NIT1: variants seen among roughly 807,000 people sequenced by gnomAD.
NIT1 encodes deaminated glutathione amidase.
A neutral mutation model predicts 36.8 loss-of-function variants in NIT1; 30 were observed. That is an observed-to-expected ratio of 0.82 (90% CI 0.61 to 1.11). NIT1 has a LOEUF of 1.11. Ranked by LOEUF, NIT1 falls within the 50% of genes least tolerant of loss-of-function variation. The pLI is 0.00. For synonymous variants in NIT1, 151 were observed against 155.6 expected (o/e 0.97, Z 0.22); for missense variants, 438 against 410.6 (o/e 1.07, Z -0.58).
chr1:161,120,686 G>A lies in NIT1; in HGVS notation c.905G>A (p.Arg302Gln), dbSNP rs758588525. 18 of 1,613,924 alleles carry A rather than the reference G, an allele frequency of 1.1e-5. No individual in the cohort carries two copies. The highest frequency in any genetic ancestry group is 5.5e-5 in the South Asian group (5 of 91,086). Residue 302 changes from arginine (R) to glutamine (Q), a missense_variant, in exon 7 of 7, where the codon CGA becomes CAA. Coordinates refer to ENST00000368009, the MANE Select transcript of NIT1 (RefSeq NM_005600.3). ...CLARIDLNYL[R>Q]QLRRHLPVFQ... ...GCCCGAATAGACCTCAACTATCTGCGACAGTTGCGCCGACACCTGCCTGTG... is the reference window on the plus strand; with the variant it reads ...GCCCGAATAGACCTCAACTATCTGCAACAGTTGCGCCGACACCTGCCTGTG...
At chr1:161,121,542 A>G (rs1446898751), downstream of NIT1, 1 of 154,240 alleles carries the variant, frequency 6.5e-6, no homozygotes, top group African/African-American at 2.4e-5. Flanking sequence ...CAAATGGGAA[A>G]AAGGAAGGAG....
rs915181126 is a variant in NIT1, at chr1:161,121,147, C to T, written c.*382C>T. ...GGACTAAGCTCCAGTTCTAGACCTC[C>T]TGGCTCATTCAACATGCCTCCCTAC... On this transcript the variant is annotated 3_prime_UTR_variant, in exon 7 of 7. Coordinates refer to ENST00000368009, the MANE Select transcript of NIT1 (RefSeq NM_005600.3). 9.4e-7 allele frequency: 1 copy of T among 1,067,210 alleles called. No homozygotes were observed. Among genetic ancestry groups the T allele is most frequent in the South Asian group, 2.9e-5 (1 of 34,464 alleles). 66.1% of individuals were successfully genotyped at this position (1,067,210 alleles called of 1,614,324 possible).
chr1:161,119,150 A>G lies in NIT1; in HGVS notation c.115A>G (p.Ile39Val), dbSNP rs560947728. 2.5e-5 allele frequency: 41 copies of G among 1,613,806 alleles called. 1 individual carries two copies. The South Asian group carries it at 4.1e-4, about 16-fold the overall frequency. The change falls in exon 3 of 7, where the codon ATC becomes GTC. Residue 39 changes from isoleucine to valine, a missense_variant. Ile to Val is a conservative substitution (Grantham distance 29). Coordinates refer to ENST00000368009, the MANE Select transcript of NIT1 (RefSeq NM_005600.3). ...CAQPRPRAMAISSSSCELPLV... is the reference protein window; with the variant it reads ...CAQPRPRAMAVSSSSCELPLV... Reference sequence around the variant, plus strand: ...TGTTCACAGGCCCAGAGCCATGGCTATCTCCTCTTCCTCCTGCGAACTGCC... The same window carrying G: ...TGTTCACAGGCCCAGAGCCATGGCTGTCTCCTCTTCCTCCTGCGAACTGCC...
chr1:161,119,173 GCCCC>G lies in NIT1; in HGVS notation c.139_142del (p.Pro47TrpfsTer7). On this transcript the variant is annotated frameshift_variant, in exon 3 of 7. Transcript: ENST00000368009. LOFTEE classifies it high-confidence loss of function. ...CTATCTCCTCTTCCTCCTGCGAACT[GCCCC>G]TGGTGGCTGTGTGCCAGGTAACATC... The G allele has an allele frequency of 1.2e-6, 2 of 1,613,978 alleles. No homozygotes were observed. Among genetic ancestry groups the G allele is most frequent in the South Asian group, 2.2e-5 (2 of 91,084 alleles).
chr1:161,123,288 G>A (rs1655737661), downstream of NIT1: 3 of 1,436,350 alleles, frequency 2.1e-6, no homozygotes, highest in African/African-American at 2.8e-5. Flanking sequence ...ACTTCTGTTG[G>A]AATGAGGAAG....
At chr1:161,124,264 A>C, downstream of NIT1, 1 of 1,614,232 alleles carries the variant, frequency 6.2e-7, no homozygotes, top group South Asian at 1.1e-5. Flanking sequence ...GCCAATAAGA[A>C]GTCACGTCCA....
chr1:161,123,707 AT>A (rs112931699), downstream of NIT1: 64,430 of 574,308 alleles, frequency 0.11, no homozygotes, highest in Middle Eastern at 0.14. Context: ...ACCTCGCCTG[AT>A]TTTTTTTTTT....
At chr1:161,125,227 AGTT>A (rs1167430897), downstream of NIT1, 2 of 152,222 alleles carry the variant, frequency 1.3e-5, no homozygotes, top group Non-Finnish European at 2.9e-5. Context: ...TACACCTCAG[AGTT>A]GTTAAGAATC....
Position 161,118,823 on chromosome 1 carries a change from T to A in NIT1, c.40T>A (p.Ser14Thr), listed in dbSNP as rs1655102345. 6.2e-7 allele frequency: 1 copy of A among 1,613,954 alleles called. No individual in the cohort carries two copies. The highest frequency in any genetic ancestry group is 8.5e-7 in the Non-Finnish European group (1 of 1,179,920). ...FITRPPHRFLSLLCPGLRIPQ... is the reference protein window; with the variant it reads ...FITRPPHRFLTLLCPGLRIPQ... ...CACCAGGCCTCCTCACAGATTCCTG[T>A]CCCTTCTGTGTCCTGGACTCCGGAT... Residue 14 changes from serine (S) to threonine (T), a missense_variant, in exon 2 of 7, where the codon TCC (serine) becomes ACC (threonine). Ser to Thr is a moderately conservative substitution (Grantham distance 58). Transcript: ENST00000368009.
downstream of NIT1, chr1:161,122,864 T>G: frequency 1.1e-6 from 1 of 870,110 alleles, no homozygotes; most frequent in African/African-American, 1.7e-5. The surrounding 1 kb of genome is among the most constrained non-coding windows in gnomAD (Gnocchi z 4.2). Flanking sequence ...AACATCCCTG[T>G]GATGTAGTAT....
intron 1 of NIT1, 148 bp downstream of exon 1, chr1:161,118,326 T>C (rs1340146388): frequency 6.5e-7 from 1 of 1,532,642 alleles, no homozygotes; most frequent in Non-Finnish European, 8.8e-7. Context: ...GGGCGCGGCT[T>C]GGGGCCTGGG....
chr1:161,123,040 T>C (rs921371919), downstream of NIT1: 1 of 1,614,086 alleles, frequency 6.2e-7, no homozygotes, highest in African/African-American at 1.3e-5. Flanking sequence ...CTCCTTCAAG[T>C]CTGCTCCATC....
downstream of NIT1, chr1:161,124,465 TG>T (rs767523996): frequency 5.0e-6 from 8 of 1,598,342 alleles, no homozygotes; most frequent in South Asian, 6.7e-5. Flanking sequence ...CCCGCCATGC[TG>T]GGGGCTCAGG....
downstream of NIT1, chr1:161,125,354 C>T (rs573778549): frequency 3.3e-5 from 5 of 152,266 alleles, no homozygotes; most frequent in East Asian, 9.6e-4. Flanking sequence ...TCCTACAATC[C>T]AACCACATCA....
downstream of NIT1, chr1:161,124,142 C>T (rs1479335241): frequency 1.2e-6 from 2 of 1,610,826 alleles, no homozygotes; most frequent in East Asian, 2.2e-5. Flanking sequence ...CCTCACCAGC[C>T]CGTCTCCTCT....
chr1:161,118,269 G>C, intron 1 of NIT1, 91 bp downstream of exon 1: 2 of 1,607,510 alleles, frequency 1.2e-6, no homozygotes, highest in East Asian at 2.2e-5. Context: ...TGGGAGAGGC[G>C]GGGAGGGACG....
At chr1:161,122,872 T>C, downstream of NIT1, 1 of 930,348 alleles carries the variant, frequency 1.1e-6, no homozygotes, top group Non-Finnish European at 1.7e-6. The surrounding 1 kb of genome is among the most constrained non-coding windows in gnomAD (Gnocchi z 4.2). Context: ...TGTGATGTAG[T>C]ATTAACTAAC....
At chr1:161,124,981 T>G (rs1329403820), downstream of NIT1, 2 of 150,938 alleles carry the variant, frequency 1.3e-5, no homozygotes, top group African/African-American at 2.5e-5. Context: ...CTGTAGTCCC[T>G]GCTACTCAGG....
downstream of NIT1, chr1:161,122,917 A>G (rs1228707704): frequency 3.0e-6 from 4 of 1,347,514 alleles, no homozygotes; most frequent in Admixed American, 6.8e-5. The surrounding 1 kb of genome is among the most constrained non-coding windows in gnomAD (Gnocchi z 4.2). Flanking sequence ...AATCATAAAG[A>G]GCAGTTCTTC....
Sources: allele counts gnomAD v4.1 joint callset, GRCh38; gene constraint gnomAD v4.1.1; non-coding constraint Gnocchi (gnomAD v3.1); transcripts MANE v1.5; gene names NCBI Gene and HGNC (gene_info 2026-07-23, HGNC 2026-07-21).